Variants in GATAD2A observed in about 807,000 individuals in gnomAD.
GATAD2A encodes GATA zinc finger domain containing 2A.
GATAD2A carries 12 observed loss-of-function variants against 68.5 expected under a neutral mutation model. That is an observed-to-expected ratio of 0.18 (90% CI 0.11 to 0.28). The LOEUF is 0.28. GATAD2A is among the 10% of genes least tolerant of loss of function. The probability of loss-of-function intolerance (pLI) is 1.00; values close to 1 mark genes in which losing one functional copy is unlikely to be tolerated. For synonymous variants in GATAD2A, 410 were observed against 375.3 expected (o/e 1.09, Z -1.07); for missense variants, 755 against 868.5 (o/e 0.87, Z 1.64).
At chr19:19,460,177 G>A (rs2057301473) in intron 1 of GATAD2A, among the ~76,000 whole-genome samples, 1 of 152,246 alleles carries the variant, frequency 6.6e-6, no homozygotes, top group African/African-American at 2.4e-5. Flanking sequence ...GGAAGTGGGA[G>A]AGCCACTGAA....
intron 1 of GATAD2A, chr19:19,441,719 A>C (rs1337389867): frequency 1.8e-5 from 3 of 171,386 alleles, no homozygotes; most frequent in South Asian, 1.7e-4. Flanking sequence ...CGCCTGCCAC[A>C]ACGCCCGGCT....
chr19:19,433,100 A>T (rs1328784909), intron 1 of GATAD2A, among the ~76,000 whole-genome samples: 5 of 152,188 alleles, frequency 3.3e-5, no homozygotes, highest in Non-Finnish European at 5.9e-5. Flanking sequence ...GCAGTGGTAG[A>T]GTGTGAAAGA....
At chr19:19,470,152 T>A (rs7256550) in intron 2 of GATAD2A, among the ~76,000 whole-genome samples, 7,182 of 137,076 alleles carry the variant, frequency 0.052, 287 homozygotes, top group East Asian at 0.13. Flanking sequence ...TATTTTTTTT[T>A]TTGTTTTTTT....
At chr19:19,480,308 TATC>T (rs1270331153) in intron 2 of GATAD2A, among the ~76,000 whole-genome samples, 1 of 152,226 alleles carries the variant, frequency 6.6e-6, no homozygotes, top group Non-Finnish European at 1.5e-5. Context: ...CAGATACACA[TATC>T]ATCATTTAGT....
chr19:19,423,132 G>A (rs923404299), intron 1 of GATAD2A, among the ~76,000 whole-genome samples: 1 of 152,116 alleles, frequency 6.6e-6, no homozygotes, highest in East Asian at 1.9e-4. Context: ...TCAACCTCCC[G>A]AGTGGCTGGG....
chr19:19,468,131 G>T (rs185187049), intron 2 of GATAD2A, among the ~76,000 whole-genome samples: 8 of 152,374 alleles, frequency 5.3e-5, no homozygotes, highest in African/African-American at 1.9e-4. Flanking sequence ...TGTAACTGCT[G>T]AATTTCAGGT....
intron 1 of GATAD2A, among the ~76,000 whole-genome samples, chr19:19,455,049 C>A (rs184238663): frequency 2.0e-5 from 3 of 152,142 alleles, no homozygotes; most frequent in Admixed American, 2.0e-4. Context: ...TTCTACCAAC[C>A]GTGGATTGAA....
intron 1 of GATAD2A, among the ~76,000 whole-genome samples, chr19:19,442,876 A>C (rs2055268760): frequency 6.6e-6 from 1 of 152,032 alleles, no homozygotes; most frequent in South Asian, 2.1e-4. Flanking sequence ...TACCCATTTA[A>C]AAATGGGTAG....
At chr19:19,450,609 T>A (rs1200268846) in intron 1 of GATAD2A, among the ~76,000 whole-genome samples, 1 of 151,818 alleles carries the variant, frequency 6.6e-6, no homozygotes, top group Non-Finnish European at 1.5e-5. Context: ...TCTCACAGGC[T>A]AGGGGGCGGT....
chr19:19,480,813 G>T (rs1267178554), intron 2 of GATAD2A, among the ~76,000 whole-genome samples: 1 of 152,242 alleles, frequency 6.6e-6, no homozygotes, highest in Non-Finnish European at 1.5e-5. Context: ...TGATTGGGTT[G>T]TGGGTGTACC....
chr19:19,440,525 T>C (rs1029683487), intron 1 of GATAD2A: 16 of 202,732 alleles, frequency 7.9e-5, no homozygotes, highest in Non-Finnish European at 1.4e-4. Flanking sequence ...CCCAAAGTGC[T>C]GGGATAACAA....
chr19:19,444,216 C>T (rs748046213), intron 1 of GATAD2A, among the ~76,000 whole-genome samples: 3 of 152,174 alleles, frequency 2.0e-5, no homozygotes, highest in Non-Finnish European at 4.4e-5. Context: ...ATTCTCCCCT[C>T]CCCATTGGTA....
intron 1 of GATAD2A, among the ~76,000 whole-genome samples, chr19:19,408,886 G>A (rs2050598146): frequency 6.6e-6 from 1 of 152,184 alleles, no homozygotes. Flanking sequence ...CCCTCTTGAA[G>A]GGGATTAAGG....
intron 2 of GATAD2A, 100 bp downstream of exon 2, chr19:19,465,714 G>C (rs2057813285): frequency 1.4e-6 from 2 of 1,393,158 alleles, no homozygotes; most frequent in Admixed American, 4.3e-5. Flanking sequence ...GTAACAGCTT[G>C]GCGGGGTTGT....
At chr19:19,472,047 GT>G (rs2058352750) in intron 2 of GATAD2A, among the ~76,000 whole-genome samples, 1 of 152,166 alleles carries the variant, frequency 6.6e-6, no homozygotes, top group South Asian at 2.1e-4. Context: ...CCTGGATGGG[GT>G]TTTTCTGTTG....
intron 1 of GATAD2A, among the ~76,000 whole-genome samples, chr19:19,423,469 G>A (rs956770670): frequency 6.6e-6 from 1 of 152,246 alleles, no homozygotes; most frequent in African/African-American, 2.4e-5. Context: ...AAGCTTCTGG[G>A]ACTAAGAACC....
rs1443588359 is a variant in GATAD2A, at chr19:19,487,095, G to GC, written c.270-5209dup. Among the ~76,000 whole-genome samples the GC allele has an allele frequency of 7.2e-5, 11 of 152,358 alleles. No homozygotes were observed. In the East Asian group the frequency reaches 2.1e-3, roughly 29 times the overall value. On this transcript the variant is annotated intron_variant, in intron 2 of 11. Coordinates refer to ENST00000683918, the MANE Select transcript of GATAD2A (RefSeq NM_001384528.1). ...TCAGCACCCTCACATGACAGGCTCA[G>GC]CCAGCCTCTCCCCCATCCCCAGCCA...
chr19:19,414,541 T>A (rs931499987), intron 1 of GATAD2A, among the ~76,000 whole-genome samples: 1 of 143,442 alleles, frequency 7.0e-6, no homozygotes, highest in Non-Finnish European at 1.5e-5. Context: ...TTTTTTTTTT[T>A]TTTTTTTTTT....
chr19:19,461,417 C>T (rs2057419261), intron 1 of GATAD2A, among the ~76,000 whole-genome samples: 1 of 152,252 alleles, frequency 6.6e-6, no homozygotes, highest in Non-Finnish European at 1.5e-5. Context: ...TTCTGTTTGT[C>T]CCCCAAGTCC....
Sources: allele counts gnomAD v4.1 joint callset (sites outside exome capture counted in the v4.1 genomes callset), GRCh38; gene constraint gnomAD v4.1.1; transcripts MANE v1.5; gene names NCBI Gene and HGNC (gene_info 2026-07-23, HGNC 2026-07-21).